Variants in COL5A1 observed in about 807,000 individuals in gnomAD.
COL5A1 encodes collagen type V alpha 1 chain.
In COL5A1, 16 loss-of-function variants were observed where a neutral mutation model predicts 263.7. The ratio of observed to expected loss-of-function variants is 0.06; its 90% CI spans 0.04 to 0.09. The LOEUF is 0.09. Ranked by LOEUF, COL5A1 falls within the 10% of genes least tolerant of loss-of-function variation. The pLI, the probability that COL5A1 is intolerant of heterozygous loss-of-function variation, is 1.00. For synonymous variants in COL5A1, 1,012 were observed against 1,004.5 expected, an observed-to-expected ratio of 1.01 and a Z score of -0.14; for missense variants, 2,036 against 2,540.5, an observed-to-expected ratio of 0.80 and a Z score of 4.27.
intron 4 of COL5A1, among the ~76,000 whole-genome samples, chr9:134,704,538 A>G (rs7848938): frequency 0.85 from 129,473 of 152,240 alleles, 55,196 homozygotes; most frequent in Admixed American, 0.89. Context: ...TCGAACGGTA[A>G]GTCACAGATA....
chr9:134,685,805 TATCCATCCATTC>T (rs1216352729), intron 1 of COL5A1, among the ~76,000 whole-genome samples: 1 of 113,956 alleles, frequency 8.8e-6, no homozygotes, highest in African/African-American at 3.4e-5. Context: ...ATCATCCATC[TATCCATCCATTC>T]ATCCATCCAT....
At chr9:134,786,518 T>C (rs1837465268) in intron 31 of COL5A1, among the ~76,000 whole-genome samples, 1 of 152,130 alleles carries the variant, frequency 6.6e-6, no homozygotes. Context: ...GTGGCCCTTT[T>C]CCCCTGGGTT....
intron 1 of COL5A1, among the ~76,000 whole-genome samples, chr9:134,654,680 G>A (rs1831871244): frequency 7.9e-6 from 1 of 127,288 alleles, no homozygotes; most frequent in African/African-American, 3.1e-5. Flanking sequence ...CTGTAGGTGT[G>A]TAGAGCTGGT....
intron 14 of COL5A1, 127 bp downstream of exon 14, chr9:134,752,772 T>G (rs1454290720): frequency 1.4e-6 from 1 of 735,962 alleles, no homozygotes; most frequent in African/African-American, 1.7e-5. Flanking sequence ...GTCCAGTGCC[T>G]GTTCCCAGGA....
chr9:134,829,417 C>T lies in COL5A1; in HGVS notation c.5068-559C>T, dbSNP rs572918166. 1.7e-4 allele frequency among the ~76,000 whole-genome samples: 21 copies of T among 127,268 alleles called. No individual in the cohort carries two copies. In the South Asian group the frequency reaches 2.2e-3, roughly 13 times the overall value. The allele number at this position is 127,268 out of a possible 152,430, so 83.5% of individuals were successfully genotyped here. On this transcript the variant is annotated intron_variant, in intron 63 of 65. Coordinates refer to ENST00000371817, the MANE Select transcript of COL5A1 (RefSeq NM_000093.5). ...CAGGTCAGGCTCCTCACGCAGCCTCCGGTCTCCCTGAGGGCTGGGGCCAGG... is the reference window on the plus strand; with the variant it reads ...CAGGTCAGGCTCCTCACGCAGCCTCTGGTCTCCCTGAGGGCTGGGGCCAGG...
intron 35 of COL5A1, 47 bp downstream of exon 35, chr9:134,796,465 C>T (rs916050302): frequency 6.3e-6 from 10 of 1,585,760 alleles, no homozygotes; most frequent in Non-Finnish European, 8.7e-6. Flanking sequence ...CAGAGCCTGC[C>T]TCGAATGCCC....
chr9:134,830,182 TGGCCACCTCGGCCC>T (rs748251918), intron 64 of COL5A1, 138 bp downstream of exon 64: 109 of 1,607,694 alleles, frequency 6.8e-5, no homozygotes, highest in African/African-American at 4.3e-4. Flanking sequence ...CCCTGGTAAG[TGGCCACCTCGGCCC>T]GGCCACCTCG....
intron 1 of COL5A1, among the ~76,000 whole-genome samples, chr9:134,672,393 A>G (rs1832561894): frequency 6.6e-6 from 1 of 152,258 alleles, no homozygotes; most frequent in East Asian, 1.9e-4. Flanking sequence ...ATAACCAAAC[A>G]CATTACTAAA....
rs995889853 is a variant in COL5A1, at chr9:134,680,276, T to G, written c.110-10636T>G. On this transcript the variant is annotated intron_variant, in intron 1 of 65. Transcript: ENST00000371817. The surrounding 1 kb of genome is among the most constrained non-coding windows in gnomAD (Gnocchi z 5.9). ...CCAGGCCCGGCTACAGGCCATTTTC[T>G]CACCCTGTGAAACACTGCGGGTCGG... 6.6e-6 allele frequency among the ~76,000 whole-genome samples: 1 copy of G among 152,070 alleles called. No homozygotes were observed. Among genetic ancestry groups the G allele is most frequent in the African/African-American group, 2.4e-5 (1 of 41,378 alleles).
Position 134,824,684 on chromosome 9 carries a change from G to A in COL5A1, c.4783G>A (p.Asp1595Asn), listed in dbSNP as rs748610273. 1.1e-5 allele frequency: 18 copies of A among 1,614,114 alleles called. 1 individual carries two copies. Among genetic ancestry groups the A allele is most frequent in the Admixed American group, 5.0e-5 (3 of 60,010 alleles). Residue 1595 changes from aspartate to asparagine, a missense_variant, in exon 62 of 66, where the codon GAC becomes AAC. Physicochemically the swap from Asp to Asn is conservative, Grantham distance 23. This residue lies in a region of COL5A1 where 358 missense variants were observed against 384.6 expected (regional missense o/e 0.93). Coordinates refer to ENST00000371817, the MANE Select transcript of COL5A1 (RefSeq NM_000093.5). ...RNIDASQLLD[D>N]GNGENYVDYA... is the part of the protein sequence containing the mutation. Reference sequence around the variant, plus strand: ...CATCGACGCCAGCCAGCTGCTGGACGACGGGAATGGCGAGAACTACGTGGA... The same window carrying A: ...CATCGACGCCAGCCAGCTGCTGGACAACGGGAATGGCGAGAACTACGTGGA...
chr9:134,689,921 A>G (rs1833215449), intron 1 of COL5A1, among the ~76,000 whole-genome samples: 1 of 152,214 alleles, frequency 6.6e-6, no homozygotes, highest in Non-Finnish European at 1.5e-5. Context: ...TCGTGGGCAC[A>G]GGAGCAGTGC....
At chr9:134,761,234 A>G (rs931999438) in intron 18 of COL5A1, among the ~76,000 whole-genome samples, 1 of 139,396 alleles carries the variant, frequency 7.2e-6, no homozygotes, top group Admixed American at 7.1e-5. Flanking sequence ...CACACCCCAC[A>G]TACCCCCACA....
At chr9:134,703,225 A>G (rs2132577548) in intron 4 of COL5A1, among the ~76,000 whole-genome samples, 1 of 152,312 alleles carries the variant, frequency 6.6e-6, no homozygotes, top group East Asian at 1.9e-4. Context: ...TGGCACAGCC[A>G]GATTTTGCAA....
chr9:134,810,196 C>T (rs1838464128), intron 43 of COL5A1, 59 bp from the exon 44 acceptor site: 10 of 1,582,122 alleles, frequency 6.3e-6, no homozygotes, highest in Non-Finnish European at 8.7e-6. Flanking sequence ...TTACGGGGAA[C>T]AGAAAAGGTC....
At position 134,678,254 on chromosome 9, in the gene COL5A1, C is replaced by T. The variant is rs992813382; in HGVS notation, c.110-12658C>T. Among the ~76,000 whole-genome samples, 5 of 152,284 alleles carry T rather than the reference C, an allele frequency of 3.3e-5. No homozygotes were observed. Among genetic ancestry groups the T allele is most frequent in the Admixed American group, 6.5e-5 (1 of 15,290 alleles). On this transcript the variant is annotated intron_variant, in intron 1 of 65. Coordinates refer to ENST00000371817, the MANE Select transcript of COL5A1 (RefSeq NM_000093.5). This position sits in a 1 kb window ranked among gnomAD's most constrained non-coding sequence, Gnocchi z 5.5. ...TGGGCAGCTTGCTCTACCTCTCTCA[C>T]GCTGAGTTTCCTCATGTACCAGTGA...
At position 134,794,732 on chromosome 9, in the gene COL5A1, A is replaced by G. The variant is rs1250161568; in HGVS notation, c.2701-350A>G. ...CCCTCCCTGCTGAGGACAGAGAGAG[A>G]AAGAGAGATGAGGAGGAGGGGAAGG... is the stretch of plus-strand genomic sequence containing the variant. On this transcript the variant is annotated intron_variant, in intron 32 of 65. Transcript: ENST00000371817. The surrounding 1 kb of genome is among the most constrained non-coding windows in gnomAD (Gnocchi z 4.3). 6.9e-6 allele frequency among the ~76,000 whole-genome samples: 1 copy of G among 144,782 alleles called. No homozygotes were observed. The highest frequency in any genetic ancestry group is 2.5e-5 in the African/African-American group (1 of 40,032). The allele number at this position is 144,782 out of a possible 152,430, so 95.0% of individuals were successfully genotyped here.
intron 11 of COL5A1, among the ~76,000 whole-genome samples, chr9:134,747,709 TCATACACA>T (rs1835580506): frequency 8.0e-6 from 1 of 125,282 alleles, no homozygotes; most frequent in African/African-American, 3.2e-5. Flanking sequence ...ACACATGCAT[TCATACACA>T]CATGCAGACA....
chr9:134,732,049 A>G (rs1834902621), intron 8 of COL5A1, 22 bp from the exon 9 acceptor site: 1 of 1,613,344 alleles, frequency 6.2e-7, no homozygotes, highest in Non-Finnish European at 8.5e-7. Flanking sequence ...TTCTCTTTCC[A>G]TCTGCCTTTT....
At chr9:134,796,924 G>A (rs745650783) in intron 36 of COL5A1, 23 bp downstream of exon 36, 10 of 1,609,880 alleles carry the variant, frequency 6.2e-6, no homozygotes, top group Non-Finnish European at 8.5e-6. Flanking sequence ...TTCCTTGCTG[G>A]GCCAGCACTG....
Sources: gnomAD v4.1 joint callset for allele counts (sites outside exome capture counted in the v4.1 genomes callset) on GRCh38, gnomAD v4.1.1 for gene constraint, gnomAD v4.1.1 regional missense constraint, Gnocchi (gnomAD v3.1) non-coding constraint, MANE v1.5 for transcripts, NCBI Gene and HGNC (gene_info 2026-07-23, HGNC 2026-07-21) for gene names.